The following KSR2 variants were observed in gnomAD, a reference collection of about 807,000 sequenced individuals.
KSR2 encodes the protein kinase suppressor of ras 2.
A neutral mutation model predicts 107.8 loss-of-function variants in KSR2; 25 were observed. The ratio of observed to expected loss-of-function variants is 0.23; its 90% CI spans 0.17 to 0.32. KSR2 has a LOEUF of 0.32. KSR2 is among the 10% of genes least tolerant of loss of function. KSR2 has a pLI of 1.00. For missense variants in KSR2, 887 were observed against 1,268.9 expected, an observed-to-expected ratio of 0.70 and a Z score of 4.57; for synonymous variants, 480 against 507.0, an observed-to-expected ratio of 0.95 and a Z score of 0.71.
chr12:117,646,546 G>C (rs1002613884), intron 5 of KSR2, among the ~76,000 whole-genome samples: 30 of 152,288 alleles, frequency 2.0e-4, no homozygotes, highest in Middle Eastern at 6.8e-3. Context: ...GAAAGCTGCA[G>C]CCAAAGCCTG....
chr12:117,688,427 C>T (rs1885676694), intron 4 of KSR2, among the ~76,000 whole-genome samples: 1 of 152,170 alleles, frequency 6.6e-6, no homozygotes, highest in South Asian at 2.1e-4. Context: ...GACTAAGTAC[C>T]CGCAACTCAA....
chr12:117,467,589 T>A (rs555954545), intron 19 of KSR2, among the ~76,000 whole-genome samples: 1 of 152,250 alleles, frequency 6.6e-6, no homozygotes, highest in South Asian at 2.1e-4. Flanking sequence ...AACCCAGAAC[T>A]TTTCCCACTT....
chr12:117,801,549 A>G (rs1890833664), intron 3 of KSR2, among the ~76,000 whole-genome samples: 1 of 152,122 alleles, frequency 6.6e-6, no homozygotes, highest in South Asian at 2.1e-4. Context: ...GAAACTTACA[A>G]TCCTAGCAGA....
At chr12:117,732,294 CTTT>C (rs112890015) in intron 4 of KSR2, among the ~76,000 whole-genome samples, 1 of 145,566 alleles carries the variant, frequency 6.9e-6, no homozygotes, top group Non-Finnish European at 1.5e-5. Flanking sequence ...GAATTTTTTT[CTTT>C]TTTTTTTTTG....
intron 1 of KSR2, among the ~76,000 whole-genome samples, chr12:117,913,549 A>G (rs1307339594): frequency 6.6e-6 from 1 of 152,188 alleles, no homozygotes; most frequent in Non-Finnish European, 1.5e-5. Context: ...AAATCCAATG[A>G]AGGCATCCTT....
chr12:117,582,551 G>T (rs1879733985), intron 5 of KSR2, among the ~76,000 whole-genome samples, 192 bp from the exon 6 acceptor site: 1 of 152,244 alleles, frequency 6.6e-6, no homozygotes, highest in East Asian at 1.9e-4. Flanking sequence ...CCTGGGCAGG[G>T]CTGCCAGGGG....
chr12:117,788,543 C>T (rs769927788), intron 3 of KSR2, among the ~76,000 whole-genome samples: 2 of 152,144 alleles, frequency 1.3e-5, no homozygotes, highest in Non-Finnish European at 2.9e-5. Flanking sequence ...ACTCCATTGC[C>T]CAGGCGGGAG....
chr12:117,571,460 G>A (rs865917256), intron 7 of KSR2, among the ~76,000 whole-genome samples: 3 of 152,242 alleles, frequency 2.0e-5, no homozygotes, highest in South Asian at 2.1e-4. Flanking sequence ...GTAGTCACTG[G>A]CTCTGAACCA....
At chr12:117,524,472 C>T (rs2137233977) in intron 14 of KSR2, among the ~76,000 whole-genome samples, 1 of 152,150 alleles carries the variant, frequency 6.6e-6, no homozygotes, top group Middle Eastern at 3.4e-3. Context: ...TTGAGACCAT[C>T]CTGGGCAACA....
intron 3 of KSR2, 52 bp from the exon 4 acceptor site, chr12:117,761,576 G>T (rs534012994): frequency 7.6e-6 from 12 of 1,574,534 alleles, no homozygotes; most frequent in Admixed American, 5.0e-5. Context: ...AGAAAGCCAG[G>T]TGAGTTACAC....
In KSR2 at chr12:117,968,303, A is replaced by C; in HGVS notation, c.-48T>G. On this transcript the variant is annotated 5_prime_UTR_variant, in exon 1 of 20. Coordinates refer to ENST00000339824, the MANE Select transcript of KSR2 (RefSeq NM_173598.6). Reference sequence around the variant, plus strand: ...CCCTCCTCCTCCTCCCAGAGAGAAAAAAGAGGGGGGGGAGTAGAGGTAGTC... The same window carrying C: ...CCCTCCTCCTCCTCCCAGAGAGAAACAAGAGGGGGGGGAGTAGAGGTAGTC... 3.5e-6 allele frequency: 3 copies of C among 852,028 alleles called. No individual in the cohort carries two copies. Among genetic ancestry groups the C allele is most frequent in the Non-Finnish European group, 3.0e-6 (2 of 667,428 alleles). 52.8% of individuals were successfully genotyped at this position (852,028 alleles called of 1,614,324 possible).
intron 4 of KSR2, among the ~76,000 whole-genome samples, chr12:117,760,495 A>T (rs926470684): frequency 6.6e-6 from 1 of 152,240 alleles, no homozygotes; most frequent in Non-Finnish European, 1.5e-5. Context: ...ATGTATTATG[A>T]TCATTAATAT....
At chr12:117,781,546 G>A (rs2136945431) in intron 3 of KSR2, among the ~76,000 whole-genome samples, 1 of 152,300 alleles carries the variant, frequency 6.6e-6, no homozygotes, top group East Asian at 1.9e-4. Flanking sequence ...CATGTGCAAT[G>A]TCATGGCACC....
chr12:117,791,205 G>A (rs985769040), intron 3 of KSR2, among the ~76,000 whole-genome samples: 1 of 152,080 alleles, frequency 6.6e-6, no homozygotes, highest in Non-Finnish European at 1.5e-5. Flanking sequence ...CTTGTCACTT[G>A]TTGCTTCCTA....
chr12:117,548,571 T>C (rs1756213241), intron 9 of KSR2, among the ~76,000 whole-genome samples: 1 of 152,142 alleles, frequency 6.6e-6, no homozygotes, highest in African/African-American at 2.4e-5. Flanking sequence ...CAGTGGGCTA[T>C]TAGTAGTTAA....
intron 9 of KSR2, among the ~76,000 whole-genome samples, chr12:117,543,835 A>G (rs930693641): frequency 5.9e-5 from 9 of 152,338 alleles, no homozygotes; most frequent in African/African-American, 1.9e-4. Flanking sequence ...GACTTTAGGT[A>G]GAATCCTTCT....
chr12:117,834,638 C>T (rs1469657273), intron 3 of KSR2, among the ~76,000 whole-genome samples: 2 of 152,178 alleles, frequency 1.3e-5, no homozygotes, highest in African/African-American at 2.4e-5. Context: ...TGACCTTGCT[C>T]GGGCTGCGGT....
intron 4 of KSR2, among the ~76,000 whole-genome samples, chr12:117,689,704 G>A (rs1002314993): frequency 1.3e-4 from 16 of 126,814 alleles, no homozygotes; most frequent in African/African-American, 4.7e-4. Flanking sequence ...TAGTATGACC[G>A]TATTTATACA....
At chr12:117,601,294 T>C in intron 5 of KSR2, among the ~76,000 whole-genome samples, 1 of 32,988 alleles carries the variant, frequency 3.0e-5, no homozygotes, top group East Asian at 2.7e-3. Flanking sequence ...ATCCAAGATC[T>C]TGGGGGGGGG....
Sources: gnomAD v4.1 joint callset for allele counts (sites outside exome capture counted in the v4.1 genomes callset) on GRCh38, gnomAD v4.1.1 for gene constraint, MANE v1.5 for transcripts, NCBI Gene and HGNC (gene_info 2026-07-23, HGNC 2026-07-21) for gene names.